Variants in NEDD9 observed in about 807,000 individuals in gnomAD.
NEDD9 encodes enhancer of filamentation 1.
NEDD9 carries 26 observed loss-of-function variants against 76.6 expected under a neutral mutation model. That is an observed-to-expected ratio of 0.34 (90% confidence interval 0.25 to 0.47). The LOEUF is 0.47. Ranked by LOEUF, NEDD9 falls within the 20% of genes least tolerant of loss-of-function variation. The pLI, the probability that NEDD9 is intolerant of heterozygous loss-of-function variation, is 1.00. For missense variants in NEDD9, 937 were observed against 1,058.5 expected (o/e 0.89, Z 1.59); for synonymous variants, 392 against 414.2 (o/e 0.95, Z 0.65).
chr6:11,321,286 C>A (rs1188432312), intron 2 of NEDD9, among the ~76,000 whole-genome samples: 1 of 151,990 alleles, frequency 6.6e-6, no homozygotes, highest in Admixed American at 6.6e-5. Flanking sequence ...CAAATAAAAG[C>A]GAAGGCCACC....
At chr6:11,345,190 A>C (rs150282363) in intron 1 of NEDD9, among the ~76,000 whole-genome samples, 1 of 152,210 alleles carries the variant, frequency 6.6e-6, no homozygotes, top group African/African-American at 2.4e-5. Context: ...AGGGAGAAGA[A>C]ATCCACCCAA....
At chr6:11,289,492 G>A (rs781325264) in intron 3 of NEDD9, among the ~76,000 whole-genome samples, 3 of 151,652 alleles carry the variant, frequency 2.0e-5, no homozygotes, top group Admixed American at 1.3e-4. Context: ...TCGCTATTTC[G>A]CCCAGGCTGG....
At chr6:11,236,763 A>T (rs1413010245), upstream of NEDD9, among the ~76,000 whole-genome samples, 8 of 152,292 alleles carry the variant, frequency 5.3e-5, no homozygotes, top group Non-Finnish European at 1.5e-5. The surrounding 1 kb of genome is among the most constrained non-coding windows in gnomAD (Gnocchi z 5.5). Context: ...CACGTTGCTC[A>T]CTACGTGTTT....
intron 2 of NEDD9, among the ~76,000 whole-genome samples, chr6:11,211,026 G>A (rs1320753958): frequency 5.3e-5 from 8 of 152,170 alleles, no homozygotes; most frequent in Admixed American, 3.9e-4. Flanking sequence ...CTTTAGGCAC[G>A]GCCTACTCTT....
chr6:11,343,742 T>C (rs920572838), intron 1 of NEDD9, among the ~76,000 whole-genome samples: 1 of 152,206 alleles, frequency 6.6e-6, no homozygotes, highest in Non-Finnish European at 1.5e-5. Flanking sequence ...AGATATAAGA[T>C]GAGTAGACAG....
chr6:11,185,412 C>T lies in NEDD9; in HGVS notation c.2255G>A (p.Ser752Asn). 6.2e-7 allele frequency: 1 copy of T among 1,614,220 alleles called. No homozygotes were observed. Among genetic ancestry groups the T allele is most frequent in the South Asian group, 1.1e-5 (1 of 91,088 alleles). The change falls in exon 7 of 7, where the codon AGT (serine) becomes AAT (asparagine). Residue 752 changes from serine to asparagine, a missense_variant. Coordinates refer to ENST00000379446, the MANE Select transcript of NEDD9 (RefSeq NM_006403.4). The stretch of plus-strand genomic sequence containing the variant: ...TCCAATGAACACCAGTTTGTGTGCA[C>T]TGAGGATGACAAACTTGCTGTGTGC... ...FVAHSKFVIL[S>N]AHKLVFIGDT... is the part of the protein sequence containing the mutation.
At chr6:11,305,912 T>C (rs1440729482) in intron 3 of NEDD9, 1 of 1,483,744 alleles carries the variant, frequency 6.7e-7, no homozygotes, top group Non-Finnish European at 9.4e-7. Context: ...TGATTTGTAT[T>C]ATTATTGCAG....
intron 1 of NEDD9, among the ~76,000 whole-genome samples, chr6:11,355,198 A>C (rs556227950): frequency 6.6e-6 from 1 of 152,334 alleles, no homozygotes; most frequent in Admixed American, 6.5e-5. Context: ...AATAGTCCAG[A>C]GTATTTTAGA....
rs1288257720 is a variant in NEDD9, at chr6:11,184,959, A to C, written c.*203T>G. 3.2e-6 allele frequency: 2 copies of C among 621,776 alleles called. No homozygotes were observed. The highest frequency in any genetic ancestry group is 5.2e-6 in the Non-Finnish European group (2 of 381,560). The allele number at this position is 621,776 out of a possible 1,614,324, so 38.5% of individuals were successfully genotyped here. On this transcript the variant is annotated 3_prime_UTR_variant, in exon 7 of 7. Transcript: ENST00000379446. ...ATGTCTCAGATACTTCTATGTATAC[A>C]TAAGAACCACTCAGGGGGAAAAAAA...
chr6:11,308,745 CA>C (rs1561827001), intron 2 of NEDD9, among the ~76,000 whole-genome samples: 1 of 152,102 alleles, frequency 6.6e-6, no homozygotes. Context: ...TGCAGTTCTC[CA>C]TCTGTACTTC....
chr6:11,195,181 C>T (rs1758259257), intron 2 of NEDD9, among the ~76,000 whole-genome samples: 1 of 152,214 alleles, frequency 6.6e-6, no homozygotes, highest in Non-Finnish European at 1.5e-5. Flanking sequence ...TCTCAAAATG[C>T]CTGAGTTCAA....
At chr6:11,203,485 C>T (rs954033148) in intron 2 of NEDD9, among the ~76,000 whole-genome samples, 8 of 152,110 alleles carry the variant, frequency 5.3e-5, no homozygotes, top group African/African-American at 1.4e-4. Context: ...AAGAGGAGAA[C>T]GCTCAGGTTT....
intron 2 of NEDD9, among the ~76,000 whole-genome samples, chr6:11,322,129 G>C (rs557148085): frequency 6.6e-6 from 1 of 152,090 alleles, no homozygotes; most frequent in Non-Finnish European, 1.5e-5. Context: ...TGAACAATAA[G>C]AACACGTGAA....
At chr6:11,204,862 G>A (rs1185184409) in intron 2 of NEDD9, among the ~76,000 whole-genome samples, 3 of 152,090 alleles carry the variant, frequency 2.0e-5, no homozygotes, top group Non-Finnish European at 2.9e-5. Flanking sequence ...CAGGACTCCT[G>A]GATCAGCCCA....
chr6:11,319,692 TCACACAAACATGCA>T (rs371394183), intron 2 of NEDD9, among the ~76,000 whole-genome samples: 15 of 50,272 alleles, frequency 3.0e-4, no homozygotes, highest in African/African-American at 5.7e-4. Context: ...ACATGGACAC[TCACACAAACATGCA>T]CACACAAACA....
chr6:11,185,466 C>T lies in NEDD9; in HGVS notation c.2201G>A (p.Ser734Asn). ...NAIDALFSCVSSAQPPRIFVA... is the reference protein window; with the variant it reads ...NAIDALFSCVNSAQPPRIFVA... ...GAAGATTCGCGGGGGCTGGGCTGAGCTGACACAACTGAAGAGTGCGTCAAT... is the reference window on the plus strand; with the variant it reads ...GAAGATTCGCGGGGGCTGGGCTGAGTTGACACAACTGAAGAGTGCGTCAAT... Residue 734 changes from serine (S) to asparagine (N), a missense_variant, in exon 7 of 7, where the codon AGC becomes AAC. Ser to Asn is a conservative substitution (Grantham distance 46, BLOSUM62 1). Coordinates refer to ENST00000379446, the MANE Select transcript of NEDD9 (RefSeq NM_006403.4). The T allele has an allele frequency of 1.2e-6, 2 of 1,614,226 alleles. No individual in the cohort carries two copies. Among genetic ancestry groups the T allele is most frequent in the Non-Finnish European group, 1.7e-6 (2 of 1,180,044 alleles).
chr6:11,293,489 G>C (rs1760823086), intron 3 of NEDD9, among the ~76,000 whole-genome samples: 1 of 152,096 alleles, frequency 6.6e-6, no homozygotes, highest in Non-Finnish European at 1.5e-5. Flanking sequence ...CTTTATCGAA[G>C]CATATTTGAC....
intron 1 of NEDD9, among the ~76,000 whole-genome samples, chr6:11,225,041 A>T (rs114686530): frequency 0.011 from 1,601 of 152,292 alleles, 26 homozygotes; most frequent in African/African-American, 0.036. Context: ...TGAACTTTAC[A>T]CGTGTTTTGG....
chr6:11,206,447 G>A (rs1316619744), intron 2 of NEDD9, among the ~76,000 whole-genome samples: 1 of 152,044 alleles, frequency 6.6e-6, no homozygotes, highest in Non-Finnish European at 1.5e-5. Context: ...TGTGTTCAAC[G>A]AATATTGTTT....
Sources: allele counts gnomAD v4.1 joint callset (sites outside exome capture counted in the v4.1 genomes callset), GRCh38; gene constraint gnomAD v4.1.1; non-coding constraint Gnocchi (gnomAD v3.1); transcripts MANE v1.5; gene names NCBI Gene and HGNC (gene_info 2026-07-23, HGNC 2026-07-21).